NDST3: variants seen among roughly 807,000 people sequenced by gnomAD.
NDST3 encodes N-deacetylase and N-sulfotransferase 3.
In NDST3, 58 loss-of-function variants were observed where a neutral mutation model predicts 96.1. The ratio of observed to expected loss-of-function variants is 0.60; its 90% CI spans 0.49 to 0.75. NDST3 has a LOEUF of 0.75. Among genes scored for constraint, NDST3 ranks in the 30% least tolerant of loss-of-function variants. The probability of loss-of-function intolerance (pLI) is 0.00; values close to 1 mark genes in which losing one functional copy is unlikely to be tolerated. For missense variants in NDST3, 788 were observed against 1,034.2 expected, an observed-to-expected ratio of 0.76 and a Z score of 3.27; for synonymous variants, 333 against 359.7, an observed-to-expected ratio of 0.93 and a Z score of 0.84.
At chr4:118,139,839 T>G (rs989258865) in intron 5 of NDST3, among the ~76,000 whole-genome samples, 1 of 152,190 alleles carries the variant, frequency 6.6e-6, no homozygotes, top group African/African-American at 2.4e-5. Context: ...TCTTTTTTAT[T>G]TCCTTTCCCA....
intron 4 of NDST3, 65 bp downstream of exon 4, chr4:118,115,025 C>A: frequency 6.5e-7 from 1 of 1,531,370 alleles, no homozygotes; most frequent in Non-Finnish European, 8.9e-7. Flanking sequence ...AAGATTCTTA[C>A]ATTGTGGCAT....
chr4:118,059,791 C>T (rs190499599), intron 2 of NDST3, among the ~76,000 whole-genome samples: 118 of 152,216 alleles, frequency 7.8e-4, no homozygotes, highest in Non-Finnish European at 1.3e-3. Context: ...CCAGACAGTT[C>T]ACTATTCATG....
chr4:118,248,664 A>G (rs992706907), intron 12 of NDST3, among the ~76,000 whole-genome samples: 15 of 152,218 alleles, frequency 9.9e-5, no homozygotes, highest in African/African-American at 3.6e-4. Flanking sequence ...AGGCCTTGAA[A>G]GGAGGGCCCC....
intron 6 of NDST3, among the ~76,000 whole-genome samples, chr4:118,180,321 C>T (rs531041086): frequency 1.8e-4 from 28 of 152,170 alleles, no homozygotes; most frequent in African/African-American, 3.9e-4. Flanking sequence ...GAGTATCCAA[C>T]GTTTAGCTTC....
intron 2 of NDST3, among the ~76,000 whole-genome samples, chr4:118,077,231 G>C (rs138803957): frequency 2.0e-5 from 3 of 152,244 alleles, no homozygotes; most frequent in African/African-American, 7.2e-5. Flanking sequence ...TGCTTCACTG[G>C]GGCAATGGCA....
chr4:118,100,370 A>T (rs1729667276), intron 2 of NDST3, among the ~76,000 whole-genome samples: 1 of 151,974 alleles, frequency 6.6e-6, no homozygotes, highest in African/African-American at 2.4e-5. Context: ...AAACTGAATT[A>T]TATCACCAGC....
chr4:118,206,467 T>C (rs1312933435), intron 6 of NDST3, among the ~76,000 whole-genome samples: 5 of 144,476 alleles, frequency 3.5e-5, no homozygotes, highest in Non-Finnish European at 7.7e-5. Flanking sequence ...AAGCACAGCA[T>C]AGAACAAGGA....
At chr4:118,064,676 C>A (rs1726165497) in intron 2 of NDST3, among the ~76,000 whole-genome samples, 1 of 152,106 alleles carries the variant, frequency 6.6e-6, no homozygotes, top group African/African-American at 2.4e-5. Flanking sequence ...ACACCAATTA[C>A]TAAAACAGCT....
chr4:118,169,904 C>A (rs1735819328), intron 6 of NDST3, among the ~76,000 whole-genome samples: 1 of 152,018 alleles, frequency 6.6e-6, no homozygotes, highest in Non-Finnish European at 1.5e-5. Flanking sequence ...GTGACTAGAG[C>A]ATCTGTGAGC....
intron 2 of NDST3, among the ~76,000 whole-genome samples, chr4:118,061,799 A>G (rs1725916689): frequency 6.6e-6 from 1 of 152,202 alleles, no homozygotes. Flanking sequence ...TAAAAGAAAA[A>G]CATCAGCTGA....
At chr4:118,234,420 A>G (rs896334739) in intron 9 of NDST3, among the ~76,000 whole-genome samples, 1 of 152,102 alleles carries the variant, frequency 6.6e-6, no homozygotes, top group Admixed American at 6.5e-5. Flanking sequence ...TCTCAAAAAA[A>G]GAAAAGAAAG....
At chr4:118,209,093 T>A (rs956850423) in intron 6 of NDST3, among the ~76,000 whole-genome samples, 2 of 152,150 alleles carry the variant, frequency 1.3e-5, no homozygotes, top group African/African-American at 4.8e-5. Context: ...GTTAAACACA[T>A]TTAGAGATGT....
At chr4:118,033,399 C>T (rs1410663255), upstream of NDST3, among the ~76,000 whole-genome samples, 3 of 152,246 alleles carry the variant, frequency 2.0e-5, no homozygotes, top group South Asian at 6.2e-4. Context: ...CGGCCGCCGC[C>T]AACCCGCCGG....
intron 6 of NDST3, among the ~76,000 whole-genome samples, chr4:118,170,131 T>A (rs1433367202): frequency 6.6e-6 from 1 of 152,122 alleles, no homozygotes; most frequent in Non-Finnish European, 1.5e-5. Flanking sequence ...ATAAATAAAT[T>A]ATCTCTCTTT....
intron 6 of NDST3, among the ~76,000 whole-genome samples, chr4:118,149,808 GA>G (rs1560679929): frequency 2.6e-5 from 4 of 151,848 alleles, no homozygotes; most frequent in African/African-American, 7.3e-5. Context: ...TAGGAGTGGT[GA>G]AAGAGGGCAT....
At position 118,094,684 on chromosome 4, in the gene NDST3, T is replaced by A. The variant is rs563306620; in HGVS notation, c.982-10334T>A. Among the ~76,000 whole-genome samples, 3 of 152,016 alleles carry A rather than the reference T, an allele frequency of 2.0e-5. No individual in the cohort carries two copies. In the East Asian group the frequency reaches 5.8e-4, roughly 29 times the overall value. On this transcript the variant is annotated intron_variant, in intron 2 of 13. Coordinates refer to ENST00000296499, the MANE Select transcript of NDST3 (RefSeq NM_004784.3). The stretch of plus-strand genomic sequence containing the variant: ...GTAATTAATTTATTCTTTCATTCTT[T>A]CAGCAAGACTCTATTGGGAGCCTAC...
At chr4:118,194,311 C>T (rs1273190968) in intron 6 of NDST3, 17 of 734,402 alleles carry the variant, frequency 2.3e-5, no homozygotes, top group East Asian at 1.5e-4. Flanking sequence ...TAGATGATTC[C>T]GCCATCTTCT....
Position 118,114,888 on chromosome 4 carries a change from T to C in NDST3, c.1152T>C (p.His384=), listed in dbSNP as rs1219956294. Residue 384 remains histidine (H), a synonymous_variant, in exon 4 of 14, where the codon CAT becomes CAC. Transcript: ENST00000296499. ...GGTGGTTTCCTCACATGTGGAGCCATATGCAGCCCCACCTCTTCCACAATG... is the reference window on the plus strand; with the variant it reads ...GGTGGTTTCCTCACATGTGGAGCCACATGCAGCCCCACCTCTTCCACAATG... ...EFWWFPHMWS[H]MQPHLFHNES... The C allele has an allele frequency of 6.2e-6, 10 of 1,614,016 alleles. No homozygotes were observed. Among genetic ancestry groups the C allele is most frequent in the African/African-American group, 4.0e-5 (3 of 74,934 alleles).
rs780345453 is a variant in NDST3 at position 118,240,608 on chromosome 4, C to G, written c.2203C>G (p.Leu735Val). Residue 735 changes from leucine to valine, a missense_variant, in exon 11 of 14, where the codon CTC (leucine) becomes GTC (valine). Physicochemically the swap from Leu to Val is conservative, Grantham distance 32. Around this residue, in one of 3 missense-constraint regions of NDST3, gnomAD observed 490 missense variants for 708.8 expected, o/e 0.69. Coordinates refer to ENST00000296499, the MANE Select transcript of NDST3 (RefSeq NM_004784.3). ...AGCAGGGCCCCGTGCACCCTCGGAGCTCAGAGCCTTGCAGAAGAGATGTTT... is the reference window on the plus strand; with the variant it reads ...AGCAGGGCCCCGTGCACCCTCGGAGGTCAGAGCCTTGCAGAAGAGATGTTT... ...ISAGPRAPSE[L>V]RALQKRCLVP... 1 of 1,613,890 alleles carries G rather than the reference C, an allele frequency of 6.2e-7. No individual in the cohort carries two copies. The highest frequency in any genetic ancestry group is 1.1e-5 in the South Asian group (1 of 91,080).
Sources: allele counts gnomAD v4.1 joint callset (sites outside exome capture counted in the v4.1 genomes callset), GRCh38; gene constraint gnomAD v4.1.1; regional missense constraint gnomAD v4.1.1; transcripts MANE v1.5; gene names NCBI Gene and HGNC (gene_info 2026-07-23, HGNC 2026-07-21).